The following SSH2 variants were observed in gnomAD, a reference collection of about 807,000 sequenced individuals.
The protein encoded by SSH2 is slingshot protein phosphatase 2.
A neutral mutation model predicts 135.2 loss-of-function variants in SSH2; 37 were observed. The observed-to-expected ratio is 0.27, with a 90% CI of 0.21 to 0.36. The LOEUF is 0.36. SSH2 is among the 10% of genes least tolerant of loss of function. The probability of loss-of-function intolerance (pLI) is 1.00; values close to 1 mark genes in which losing one functional copy is unlikely to be tolerated. For synonymous variants in SSH2, 628 were observed against 646.2 expected, an observed-to-expected ratio of 0.97 and a Z score of 0.43; for missense variants, 1,408 against 1,765.3, an observed-to-expected ratio of 0.80 and a Z score of 3.63.
intron 2 of SSH2, among the ~76,000 whole-genome samples, chr17:29,794,605 T>A (rs1005450205): frequency 6.6e-6 from 1 of 152,206 alleles, no homozygotes; most frequent in African/African-American, 2.4e-5. Flanking sequence ...CAAACAATGA[T>A]GACAACAAAA....
chr17:29,887,844 A>C (rs1206495999), intron 1 of SSH2, among the ~76,000 whole-genome samples: 4 of 152,230 alleles, frequency 2.6e-5, no homozygotes, highest in African/African-American at 7.2e-5. Flanking sequence ...ATGTAATTTA[A>C]TGTGAAGAAA....
At chr17:29,888,477 C>T (rs946270378) in intron 1 of SSH2, among the ~76,000 whole-genome samples, 1 of 152,074 alleles carries the variant, frequency 6.6e-6, no homozygotes, top group African/African-American at 2.4e-5. Flanking sequence ...AGACTTAGTG[C>T]CATAGCATGG....
At chr17:29,752,258 C>G (rs889238225) in intron 3 of SSH2, among the ~76,000 whole-genome samples, 2 of 152,028 alleles carry the variant, frequency 1.3e-5, no homozygotes, top group African/African-American at 2.4e-5. Flanking sequence ...AAAATACCAA[C>G]AAGGAGGTAA....
intron 1 of SSH2, among the ~76,000 whole-genome samples, chr17:29,892,048 TTTTTCTTTC>T (rs2066359670): frequency 6.6e-6 from 1 of 152,074 alleles, no homozygotes; most frequent in African/African-American, 2.4e-5. Flanking sequence ...CTTTCTTTTT[TTTTTCTTTC>T]TTTTCTTTCT....
rs534659312 is a variant in SSH2, at chr17:29,729,991, A to G, written c.189-26929T>C. ...TATTTGATAGCACAGCAGGGTGACT[A>G]AAGTCAACAACAATAAATTACTGTA... is the stretch of plus-strand genomic sequence containing the variant. On this transcript the variant is annotated intron_variant, in intron 3 of 15. Coordinates refer to ENST00000540801, the MANE Select transcript of SSH2 (RefSeq NM_001282129.2). Among the ~76,000 whole-genome samples, 9 of 152,256 alleles carry G rather than the reference A, an allele frequency of 5.9e-5. 1 individual carries two copies. In the South Asian group the frequency reaches 1.7e-3, roughly 28 times the overall value.
chr17:29,649,216 G>T (rs1320666083), intron 13 of SSH2, among the ~76,000 whole-genome samples: 1 of 152,036 alleles, frequency 6.6e-6, no homozygotes, highest in Non-Finnish European at 1.5e-5. Flanking sequence ...CTTAGGTGCT[G>T]ATTCATGCTT....
intron 2 of SSH2, among the ~76,000 whole-genome samples, chr17:29,808,215 G>A (rs2042380915): frequency 3.9e-5 from 6 of 152,100 alleles, no homozygotes; most frequent in Admixed American, 3.3e-4. Flanking sequence ...TGCAACTTCC[G>A]CCTCCCAGGT....
chr17:29,736,950 T>C (rs1051517637), intron 3 of SSH2, among the ~76,000 whole-genome samples: 1 of 149,394 alleles, frequency 6.7e-6, no homozygotes, highest in Non-Finnish European at 1.5e-5. Flanking sequence ...ATACAAAAAA[T>C]TAGCTGGGCA....
chr17:29,905,375 G>A (rs549892746), intron 1 of SSH2, among the ~76,000 whole-genome samples: 1 of 152,320 alleles, frequency 6.6e-6, no homozygotes, highest in South Asian at 2.1e-4. Flanking sequence ...GCTCCAGTCA[G>A]CCTGCCATCA....
chr17:29,711,066 T>C (rs569871525), intron 3 of SSH2, among the ~76,000 whole-genome samples: 1 of 152,312 alleles, frequency 6.6e-6, no homozygotes, highest in African/African-American at 2.4e-5. Flanking sequence ...TATCTCCTTA[T>C]CACCAGACCA....
intron 3 of SSH2, among the ~76,000 whole-genome samples, chr17:29,789,450 A>G (rs1599002206): frequency 6.6e-6 from 1 of 152,238 alleles, no homozygotes; most frequent in Non-Finnish European, 1.5e-5. Context: ...TAAGGGAAAC[A>G]GAGAAAATGA....
chr17:29,659,242 G>A (rs1794943180), intron 11 of SSH2, among the ~76,000 whole-genome samples: 1 of 152,144 alleles, frequency 6.6e-6, no homozygotes. Flanking sequence ...AGGTTTGCTA[G>A]GTCAAAGGCA....
At chr17:29,897,905 G>T (rs1021013075) in intron 1 of SSH2, among the ~76,000 whole-genome samples, 14 of 152,092 alleles carry the variant, frequency 9.2e-5, no homozygotes, top group East Asian at 1.9e-4. Context: ...AAATGTAAAA[G>T]AATAGAAATT....
chr17:29,766,937 T>C (rs1051444636), intron 3 of SSH2, among the ~76,000 whole-genome samples: 3 of 152,226 alleles, frequency 2.0e-5, no homozygotes, highest in Non-Finnish European at 4.4e-5. Flanking sequence ...TGGCATTCTT[T>C]ATATAATACA....
chr17:29,855,319 T>C (rs1056626373), intron 1 of SSH2, among the ~76,000 whole-genome samples: 1 of 151,984 alleles, frequency 6.6e-6, no homozygotes, highest in African/African-American at 2.4e-5. Flanking sequence ...CTGGGCAACA[T>C]TGGCAAAACT....
intron 1 of SSH2, among the ~76,000 whole-genome samples, chr17:29,913,347 A>AAAAAAAAAAATTATATATAT: frequency 3.5e-5 from 1 of 28,786 alleles, no homozygotes; most frequent in Non-Finnish European, 5.9e-5. Flanking sequence ...AAAAAAAAAA[A>AAAAAAAAAAATTATATATAT]ATATATATAT....
intron 3 of SSH2, among the ~76,000 whole-genome samples, chr17:29,749,885 C>T (rs2040875025): frequency 6.6e-6 from 1 of 151,824 alleles, no homozygotes; most frequent in African/African-American, 2.4e-5. Context: ...CGCCACCACG[C>T]CCGATTAATT....
intron 1 of SSH2, among the ~76,000 whole-genome samples, chr17:29,861,142 T>C (rs965047710): frequency 2.0e-5 from 3 of 152,174 alleles, no homozygotes; most frequent in Non-Finnish European, 4.4e-5. Context: ...GTCAGATGCA[T>C]AGTTTGTAAA....
chr17:29,666,420 T>C (rs1343278860), intron 11 of SSH2, among the ~76,000 whole-genome samples: 2 of 151,860 alleles, frequency 1.3e-5, no homozygotes, highest in Non-Finnish European at 2.9e-5. Flanking sequence ...TGGTGGCTCA[T>C]GCTTATAATC....
Sources: allele counts gnomAD v4.1 joint callset (sites outside exome capture counted in the v4.1 genomes callset), GRCh38; gene constraint gnomAD v4.1.1; transcripts MANE v1.5; gene names NCBI Gene and HGNC (gene_info 2026-07-23, HGNC 2026-07-21).